The following RBFOX1 variants were observed in gnomAD, a reference collection of about 807,000 sequenced individuals.
RBFOX1 encodes RNA binding fox-1 homolog 1.
A neutral mutation model predicts 57.7 loss-of-function variants in RBFOX1; 8 were observed. The observed-to-expected ratio is 0.14, with a 90% CI of 0.08 to 0.25. The LOEUF (loss-of-function observed/expected upper bound fraction) is 0.25, where lower values mean the gene tolerates loss of function less well. Ranked by LOEUF, RBFOX1 falls within the 10% of genes least tolerant of loss-of-function variation. The probability of loss-of-function intolerance (pLI) is 1.00; values close to 1 mark genes in which losing one functional copy is unlikely to be tolerated. For missense variants in RBFOX1, 611 were observed against 548.5 expected (o/e 1.11, Z -1.14); for synonymous variants, 326 against 222.4 (o/e 1.47, Z -4.15).
At chr16:5,712,595 C>T (rs966890617) in intron 3 of RBFOX1, among the ~76,000 whole-genome samples, 3 of 148,450 alleles carry the variant, frequency 2.0e-5, no homozygotes, top group African/African-American at 7.3e-5. Flanking sequence ...ATTCCCATAA[C>T]AGGTAGGTGA....
intron 3 of RBFOX1, among the ~76,000 whole-genome samples, chr16:6,779,891 A>ATATATATTTATATATATT (rs1567209829): frequency 3.5e-5 from 1 of 28,458 alleles, no homozygotes; most frequent in African/African-American, 1.7e-4. Flanking sequence ...ATATATATTT[A>ATATATATTTATATATATT]TATATATTTA....
At chr16:7,221,383 AT>A (rs2152851686) in intron 4 of RBFOX1, among the ~76,000 whole-genome samples, 1 of 151,286 alleles carries the variant, frequency 6.6e-6, no homozygotes, top group Admixed American at 6.6e-5. Context: ...TTATTTATTT[AT>A]GAGACAGAGT....
At position 7,061,357 on chromosome 16, in the gene RBFOX1, A is replaced by G. The variant is rs574140505; in HGVS notation, c.27+9259A>G. Among the ~76,000 whole-genome samples the G allele has an allele frequency of 1.3e-4, 20 of 152,354 alleles. 1 individual carries two copies. The East Asian group carries it at 3.5e-3, about 26-fold the overall frequency. ...GCAAGAACATTAATTGATGAACGCA[A>G]GGAAATCAACTTCTTGATTGATTCT... On this transcript the variant is annotated intron_variant, in intron 4 of 15. Transcript: ENST00000550418.
chr16:5,939,880 G>A (rs1294642719), intron 4 of RBFOX1, among the ~76,000 whole-genome samples: 1 of 152,164 alleles, frequency 6.6e-6, no homozygotes, highest in Non-Finnish European at 1.5e-5. Context: ...AGTGTGGTGG[G>A]ATGAAAGTGA....
At chr16:7,695,671 A>AAAAAT (rs1491081958) in intron 14 of RBFOX1, among the ~76,000 whole-genome samples, 1 of 150,512 alleles carries the variant, frequency 6.6e-6, no homozygotes, top group African/African-American at 2.4e-5. Flanking sequence ...AAAAAAAAAA[A>AAAAAT]ATCCTGCTGT....
chr16:5,957,433 T>C (rs1164788358), intron 4 of RBFOX1, among the ~76,000 whole-genome samples: 1 of 152,130 alleles, frequency 6.6e-6, no homozygotes, highest in Admixed American at 6.5e-5. Context: ...CATGAACCCC[T>C]CACCTGGTCT....
At chr16:6,233,143 C>T (rs1598623460) in intron 1 of RBFOX1, among the ~76,000 whole-genome samples, 1 of 152,072 alleles carries the variant, frequency 6.6e-6, no homozygotes, top group South Asian at 2.1e-4. Flanking sequence ...TGGGTATGAG[C>T]CCGATCACAA....
intron 6 of RBFOX1, among the ~76,000 whole-genome samples, chr16:7,586,039 T>A (rs1277995245): frequency 6.6e-6 from 1 of 151,972 alleles, no homozygotes; most frequent in East Asian, 1.9e-4. Flanking sequence ...AAATCCAGAA[T>A]GCAGAAGTGA....
intron 4 of RBFOX1, among the ~76,000 whole-genome samples, chr16:7,274,925 C>T (rs1392125722): frequency 1.3e-5 from 2 of 152,088 alleles, no homozygotes; most frequent in African/African-American, 4.8e-5. Context: ...CTGAAGTGAC[C>T]TGCCTGCCTC....
chr16:7,268,470 C>G (rs1015915821), intron 4 of RBFOX1, among the ~76,000 whole-genome samples: 1 of 152,204 alleles, frequency 6.6e-6, no homozygotes, highest in Non-Finnish European at 1.5e-5. Context: ...ATTGCTGCTA[C>G]TCAGGAGTGC....
chr16:6,026,533 T>C (rs975450458), intron 1 of RBFOX1, among the ~76,000 whole-genome samples: 2 of 152,200 alleles, frequency 1.3e-5, no homozygotes, highest in Non-Finnish European at 2.9e-5. Context: ...CTTTGCAAGA[T>C]ACAAGGGAGG....
intron 1 of RBFOX1, among the ~76,000 whole-genome samples, chr16:6,141,464 T>C (rs1404186319): frequency 6.6e-6 from 1 of 152,084 alleles, no homozygotes; most frequent in Admixed American, 6.5e-5. Context: ...CAAACTCACC[T>C]CCATTTCTCT....
chr16:6,799,752 T>A (rs2084927468), intron 3 of RBFOX1, among the ~76,000 whole-genome samples: 1 of 152,118 alleles, frequency 6.6e-6, no homozygotes, highest in Non-Finnish European at 1.5e-5. Flanking sequence ...ACCATCAGCC[T>A]CCAGGTTCTT....
chr16:5,241,692 A>C (rs569783080), intron 1 of RBFOX1, among the ~76,000 whole-genome samples: 19 of 152,374 alleles, frequency 1.2e-4, no homozygotes, highest in African/African-American at 4.3e-4. Context: ...CGTCCATAGA[A>C]GCACTTAGCG....
At chr16:6,438,326 A>C (rs1344164867) in intron 2 of RBFOX1, among the ~76,000 whole-genome samples, 1 of 152,184 alleles carries the variant, frequency 6.6e-6, no homozygotes, top group Non-Finnish European at 1.5e-5. Flanking sequence ...AAAGATGAGG[A>C]GAGTGAGGCT....
chr16:5,446,114 T>C (rs1372840143), intron 1 of RBFOX1, among the ~76,000 whole-genome samples: 1 of 152,192 alleles, frequency 6.6e-6, no homozygotes, highest in Non-Finnish European at 1.5e-5. Context: ...AGGACATTAA[T>C]GGGGAATGAA....
At chr16:7,624,737 T>G (rs1055562367) in intron 10 of RBFOX1, among the ~76,000 whole-genome samples, 7 of 152,156 alleles carry the variant, frequency 4.6e-5, no homozygotes, top group African/African-American at 1.7e-4. Context: ...GCTCCTTTCC[T>G]CGGCTGAGTG....
intron 1 of RBFOX1, among the ~76,000 whole-genome samples, chr16:6,184,919 G>C (rs2097095453): frequency 6.6e-6 from 1 of 152,122 alleles, no homozygotes; most frequent in Admixed American, 6.5e-5. Context: ...CTAGTTCCAA[G>C]ATGGATTGCA....
At chr16:5,741,653 C>T (rs2052772332) in intron 3 of RBFOX1, among the ~76,000 whole-genome samples, 2 of 152,148 alleles carry the variant, frequency 1.3e-5, no homozygotes, top group African/African-American at 4.8e-5. Context: ...CATATATCAC[C>T]ATTACATCAG....
Sources: gnomAD v4.1 joint callset for allele counts (sites outside exome capture counted in the v4.1 genomes callset) on GRCh38, gnomAD v4.1.1 for gene constraint, MANE v1.5 for transcripts, NCBI Gene and HGNC (gene_info 2026-07-23, HGNC 2026-07-21) for gene names.